CACNA2D3: variants seen among roughly 807,000 people sequenced by gnomAD.
CACNA2D3 encodes the protein voltage-dependent calcium channel subunit alpha-2/delta-3.
CACNA2D3 carries 60 observed loss-of-function variants against 160.6 expected under a neutral mutation model. That is an observed-to-expected ratio of 0.37 (90% CI 0.30 to 0.46). CACNA2D3 has a LOEUF of 0.46. Ranked by LOEUF, CACNA2D3 falls within the 20% of genes least tolerant of loss-of-function variation. The pLI is 1.00. For synonymous variants in CACNA2D3, 558 were observed against 492.9 expected (o/e 1.13, Z -1.75); for missense variants, 1,205 against 1,365.0 (o/e 0.88, Z 1.85).
At chr3:54,468,490 A>C (rs1700668747) in intron 4 of CACNA2D3, among the ~76,000 whole-genome samples, 1 of 152,164 alleles carries the variant, frequency 6.6e-6, no homozygotes, top group African/African-American at 2.4e-5. Context: ...GGTTTCAAGC[A>C]CAAAATGGGG....
chr3:54,871,506 T>C (rs1242734301), intron 17 of CACNA2D3, 33 bp from the exon 18 acceptor site: 1 of 1,561,458 alleles, frequency 6.4e-7, no homozygotes, highest in African/African-American at 1.4e-5. Context: ...CGGACTTTTG[T>C]TTTTCTTTTC....
chr3:54,462,261 G>T (rs971842733), intron 4 of CACNA2D3, among the ~76,000 whole-genome samples: 1 of 152,212 alleles, frequency 6.6e-6, no homozygotes, highest in Non-Finnish European at 1.5e-5. Flanking sequence ...CTGTTGATTT[G>T]TGGTGGAGTG....
At chr3:54,935,699 G>A (rs142077432) in intron 27 of CACNA2D3, among the ~76,000 whole-genome samples, 18 of 152,204 alleles carry the variant, frequency 1.2e-4, no homozygotes, top group East Asian at 9.7e-4. Context: ...TTACTATAAC[G>A]TGATAGTTCA....
chr3:54,298,223 C>T (rs372175076), intron 2 of CACNA2D3, among the ~76,000 whole-genome samples: 4 of 152,132 alleles, frequency 2.6e-5, no homozygotes, highest in South Asian at 2.1e-4. Flanking sequence ...AATAGAAAGA[C>T]GGACCTCTAC....
chr3:54,503,511 T>C lies in CACNA2D3; in HGVS notation c.401T>C (p.Val134Ala), dbSNP rs1559499405. Residue 134 changes from valine (V) to alanine (A), a missense_variant, in exon 5 of 38, where the codon GTG becomes GCG. Physicochemically the swap from Val to Ala is moderately conservative, Grantham distance 64. Transcript: ENST00000474759. Reference protein sequence around the residue: ...ADLQYEYFNAVLINERDKDGN... With the variant: ...ADLQYEYFNAALINERDKDGN... Reference sequence around the variant, plus strand: ...TTTCAGTATGAATACTTCAATGCTGTGCTGATAAATGAAAGGGACAAAGAC... The same window carrying C: ...TTTCAGTATGAATACTTCAATGCTGCGCTGATAAATGAAAGGGACAAAGAC... The C allele has an allele frequency of 6.2e-7, 1 of 1,613,930 alleles. No homozygotes were observed. Among genetic ancestry groups the C allele is most frequent in the Admixed American group, 1.7e-5 (1 of 60,010 alleles).
At chr3:54,808,337 T>C (rs1417962834) in intron 13 of CACNA2D3, among the ~76,000 whole-genome samples, 2 of 152,198 alleles carry the variant, frequency 1.3e-5, no homozygotes, top group East Asian at 1.9e-4. Flanking sequence ...CCATGGGTGC[T>C]GAGCTCTGCC....
At chr3:54,392,823 A>G (rs1471103046) in intron 4 of CACNA2D3, among the ~76,000 whole-genome samples, 1 of 152,200 alleles carries the variant, frequency 6.6e-6, no homozygotes, top group Admixed American at 6.5e-5. Context: ...AGGGCAGCTC[A>G]GGAGCCCCAG....
At chr3:54,497,488 T>G (rs1701220162) in intron 4 of CACNA2D3, among the ~76,000 whole-genome samples, 1 of 152,064 alleles carries the variant, frequency 6.6e-6, no homozygotes, top group Non-Finnish European at 1.5e-5. Context: ...TCTTGTTAAC[T>G]CTCTTTAAGT....
At chr3:54,556,896 G>T (rs1420752377) in intron 5 of CACNA2D3, among the ~76,000 whole-genome samples, 4 of 152,220 alleles carry the variant, frequency 2.6e-5, no homozygotes, top group Non-Finnish European at 4.4e-5. Context: ...CTGGGTATAT[G>T]TGGGGCATGG....
chr3:54,987,632 G>T, intron 30 of CACNA2D3, 51 bp from the exon 31 acceptor site: 1 of 1,209,672 alleles, frequency 8.3e-7, no homozygotes, highest in East Asian at 2.4e-5. Context: ...CTTCTCTCCT[G>T]TTTGGGCACA....
chr3:54,911,535 C>T (rs1056659325), intron 27 of CACNA2D3, among the ~76,000 whole-genome samples: 1 of 151,616 alleles, frequency 6.6e-6, no homozygotes, highest in East Asian at 1.9e-4. Context: ...CTTTCCTTTT[C>T]CTCCTACCTA....
intron 29 of CACNA2D3, among the ~76,000 whole-genome samples, chr3:54,983,094 C>T (rs1173081486): frequency 6.6e-6 from 1 of 152,122 alleles, no homozygotes; most frequent in African/African-American, 2.4e-5. Context: ...CAATGACATT[C>T]AGATCAGCAA....
intron 2 of CACNA2D3, among the ~76,000 whole-genome samples, chr3:54,202,261 A>G (rs1701192564): frequency 6.6e-6 from 1 of 152,148 alleles, no homozygotes; most frequent in Non-Finnish European, 1.5e-5. Flanking sequence ...TAGGCATTCA[A>G]CCAATTGTCC....
At chr3:54,666,907 A>G (rs1431494023) in intron 11 of CACNA2D3, among the ~76,000 whole-genome samples, 1 of 152,194 alleles carries the variant, frequency 6.6e-6, no homozygotes, top group Non-Finnish European at 1.5e-5. Context: ...GGGCAGCAGA[A>G]TCCTTTCAAG....
At chr3:54,496,046 T>A (rs1701197755) in intron 4 of CACNA2D3, among the ~76,000 whole-genome samples, 2 of 152,230 alleles carry the variant, frequency 1.3e-5, no homozygotes, top group Admixed American at 6.5e-5. Flanking sequence ...TTGTTAATCC[T>A]TTAACTGTTA....
intron 11 of CACNA2D3, among the ~76,000 whole-genome samples, chr3:54,710,779 T>C (rs1369749674): frequency 6.6e-6 from 1 of 152,186 alleles, no homozygotes; most frequent in Non-Finnish European, 1.5e-5. Context: ...TTGAGTGTAG[T>C]GGGAATACAT....
intron 35 of CACNA2D3, among the ~76,000 whole-genome samples, chr3:55,023,838 C>A (rs943733405): frequency 1.3e-5 from 2 of 151,384 alleles, no homozygotes; most frequent in Non-Finnish European, 2.9e-5. Context: ...AGTTTGATTT[C>A]TCATGGGCAA....
intron 35 of CACNA2D3, among the ~76,000 whole-genome samples, chr3:55,069,773 G>T (rs1417275710): frequency 6.6e-6 from 1 of 152,062 alleles, no homozygotes; most frequent in Non-Finnish European, 1.5e-5. Flanking sequence ...TTATAGCTTG[G>T]CCAAATGTAG....
chr3:54,818,448 G>A lies in CACNA2D3; in HGVS notation c.1398+1578G>A, dbSNP rs114696387. On this transcript the variant is annotated intron_variant, in intron 14 of 37. Transcript: ENST00000474759. ...TGCCTGCCTCGGCCTCAAAATGCTG[G>A]GATACAGTGAGCCACTGCGCCCAGC... Among the ~76,000 whole-genome samples the A allele has an allele frequency of 1.5e-3, 231 of 152,250 alleles. 1 individual carries two copies. The highest frequency in any genetic ancestry group is 5.1e-3 in the African/African-American group (213 of 41,560).
Sources: allele counts gnomAD v4.1 joint callset (sites outside exome capture counted in the v4.1 genomes callset), GRCh38; gene constraint gnomAD v4.1.1; transcripts MANE v1.5; gene names NCBI Gene and HGNC (gene_info 2026-07-23, HGNC 2026-07-21).